Variants in COL11A1 observed in about 807,000 individuals in gnomAD.
COL11A1 encodes collagen type XI alpha 1 chain.
Under a neutral mutation model 265.2 loss-of-function variants are expected in COL11A1, and 74 were observed. The ratio of observed to expected loss-of-function variants is 0.28; its 90% CI spans 0.23 to 0.34. The LOEUF (loss-of-function observed/expected upper bound fraction) is 0.34, where lower values mean the gene tolerates loss of function less well. Among genes scored for constraint, COL11A1 ranks in the 10% least tolerant of loss-of-function variants. The pLI, the probability that COL11A1 is intolerant of heterozygous loss-of-function variation, is 1.00. For synonymous variants in COL11A1, 816 were observed against 727.6 expected (o/e 1.12, Z -1.96); for missense variants, 2,165 against 2,263.6 (o/e 0.96, Z 0.88).
intron 37 of COL11A1, among the ~76,000 whole-genome samples, chr1:102,966,631 T>C (rs957783014): frequency 6.6e-6 from 1 of 152,210 alleles, no homozygotes; most frequent in African/African-American, 2.4e-5. Context: ...TTATTTAGCA[T>C]TTTATAAGCA....
rs752572768 is a variant in COL11A1, at chr1:102,970,211, T to C, written c.2862+8A>G. On this transcript the variant is annotated splice_region_variant and intron_variant, in intron 37 of 66. Coordinates refer to ENST00000370096, the MANE Select transcript of COL11A1 (RefSeq NM_001854.4). ...GAAATTTTTAATAAGAGTAACAAGG[T>C]CACTTACAGTCTCCCCACGTTGCCC... 12 of 1,611,728 alleles carry C rather than the reference T, an allele frequency of 7.4e-6. No individual in the cohort carries two copies. The highest frequency in any genetic ancestry group is 1.0e-5 in the Non-Finnish European group (12 of 1,178,492).
At chr1:102,878,475 C>CACATATATATATATATATATAT (rs1649791157) in intron 66 of COL11A1, among the ~76,000 whole-genome samples, 1 of 49,862 alleles carries the variant, frequency 2.0e-5, no homozygotes, top group African/African-American at 5.5e-5. Context: ...ATTGAATCCT[C>CACATATATATATATATATATAT]ATATATATAT....
At chr1:103,001,758 G>C (rs1665127470) in intron 24 of COL11A1, 167 bp downstream of exon 24, 2 of 652,524 alleles carry the variant, frequency 3.1e-6, no homozygotes, top group African/African-American at 1.8e-5. Flanking sequence ...AAGAACACAT[G>C]AATGAAATCT....
At position 102,913,662 on chromosome 1, in the gene COL11A1, C is replaced by T; in HGVS notation, c.4007G>A (p.Gly1336Asp). Residue 1336 changes from glycine (G) to aspartate (D), a missense_variant, in exon 53 of 67, where the codon GGT becomes GAT. Physicochemically the swap from Gly to Asp is moderately conservative, Grantham distance 94. Transcript: ENST00000370096. ...CGGTTGACCAGGATCTCCATCTTCA[C>T]CCTTGTCACCACCAACACCATCTTG... is the stretch of plus-strand genomic sequence containing the variant. ...AGQDGVGGDK[G>D]EDGDPGQPGP... is the part of the protein sequence containing the mutation. The T allele has an allele frequency of 6.2e-7, 1 of 1,613,494 alleles. No homozygotes were observed. Among genetic ancestry groups the T allele is most frequent in the Non-Finnish European group, 8.5e-7 (1 of 1,179,666 alleles).
intron 38 of COL11A1, among the ~76,000 whole-genome samples, chr1:102,963,713 A>C: frequency 6.6e-6 from 1 of 152,100 alleles, no homozygotes; most frequent in East Asian, 1.9e-4. Flanking sequence ...CTAGGTTTAA[A>C]TTTCTTTAAT....
chr1:103,017,985 A>G lies in COL11A1; in HGVS notation c.1351-103T>C, dbSNP rs192587029. On this transcript the variant is annotated intron_variant, in intron 10 of 66. Transcript: ENST00000370096. Reference sequence around the variant, plus strand: ...AAGAGTTCGTTTATATTTTATAAATATACACTAGAGTTCTAAACAGTTGCC... The same window carrying G: ...AAGAGTTCGTTTATATTTTATAAATGTACACTAGAGTTCTAAACAGTTGCC... 3.0e-6 allele frequency: 3 copies of G among 991,058 alleles called. No individual in the cohort carries two copies. The East Asian group carries it at 7.4e-5, about 24-fold the overall frequency. 61.4% of individuals were successfully genotyped at this position (991,058 alleles called of 1,614,324 possible).
chr1:102,947,451 C>T (rs1203930783), intron 41 of COL11A1, among the ~76,000 whole-genome samples: 13 of 151,944 alleles, frequency 8.6e-5, no homozygotes, highest in African/African-American at 2.9e-4. Context: ...CATTAGGATA[C>T]ACACAAAATT....
chr1:103,006,002 T>G, intron 17 of COL11A1, 66 bp downstream of exon 17: 1 of 1,611,640 alleles, frequency 6.2e-7, no homozygotes, highest in East Asian at 2.2e-5. Context: ...AATGGATTTT[T>G]AAATATAAAA....
At chr1:102,916,797 A>G (rs1655387413) in intron 49 of COL11A1, among the ~76,000 whole-genome samples, 1 of 151,782 alleles carries the variant, frequency 6.6e-6, no homozygotes. Flanking sequence ...AACAGCAAAT[A>G]CTTCCAGAAT....
intron 31 of COL11A1, among the ~76,000 whole-genome samples, chr1:102,982,925 A>G (rs1663176172): frequency 6.6e-6 from 1 of 152,096 alleles, no homozygotes; most frequent in African/African-American, 2.4e-5. Flanking sequence ...TGTTTCTGTT[A>G]TGCCTGAATG....
At chr1:102,982,690 C>G (rs886097925) in intron 31 of COL11A1, among the ~76,000 whole-genome samples, 2 of 152,080 alleles carry the variant, frequency 1.3e-5, no homozygotes, top group African/African-American at 4.8e-5. Context: ...TATTTATCCC[C>G]TGCTACTCAA....
intron 4 of COL11A1, among the ~76,000 whole-genome samples, chr1:103,055,778 T>C (rs983704088): frequency 1.3e-5 from 2 of 152,216 alleles, no homozygotes; most frequent in African/African-American, 4.8e-5. Context: ...ACAATTCTTC[T>C]CTTCCAATGT....
chr1:103,100,856 G>A (rs1674206343), intron 1 of COL11A1, among the ~76,000 whole-genome samples: 1 of 151,868 alleles, frequency 6.6e-6, no homozygotes, highest in Non-Finnish European at 1.5e-5. Flanking sequence ...CTGTTTTTCA[G>A]TTATCTCATG....
intron 4 of COL11A1, among the ~76,000 whole-genome samples, chr1:103,073,885 T>C (rs1671770438): frequency 6.6e-6 from 1 of 152,010 alleles, no homozygotes; most frequent in Non-Finnish European, 1.5e-5. Context: ...TAATTTGTAA[T>C]ATATTACACA....
At chr1:103,098,139 G>A (rs1315242568) in intron 1 of COL11A1, among the ~76,000 whole-genome samples, 1 of 151,840 alleles carries the variant, frequency 6.6e-6, no homozygotes, top group East Asian at 1.9e-4. Flanking sequence ...ATACTGAGAA[G>A]AGCAATATTT....
chr1:103,082,882 T>C lies in COL11A1; in HGVS notation c.197A>G (p.Asn66Ser). The stretch of plus-strand genomic sequence containing the variant: ...GTAAGCAGTATCTGAGCCTTTAGAA[T>C]TCTTTCTGTTTGTGCAAAATCCCGT... ...KTTGFCTNRK[N>S]SKGSDTAYRV... Residue 66 changes from asparagine to serine, a missense_variant, in exon 2 of 67, where the codon AAT (asparagine) becomes AGT (serine). Coordinates refer to ENST00000370096, the MANE Select transcript of COL11A1 (RefSeq NM_001854.4). 2 of 1,613,742 alleles carry C rather than the reference T, an allele frequency of 1.2e-6. No individual in the cohort carries two copies. The highest frequency in any genetic ancestry group is 1.1e-5 in the South Asian group (1 of 91,062).
chr1:102,979,003 C>A (rs1253562374), intron 33 of COL11A1, 57 bp downstream of exon 33: 1 of 1,607,870 alleles, frequency 6.2e-7, no homozygotes, highest in African/African-American at 1.3e-5. Flanking sequence ...AATAAATTAT[C>A]TTGATACACT....
intron 1 of COL11A1, among the ~76,000 whole-genome samples, chr1:103,103,701 T>G (rs1674473694): frequency 6.6e-6 from 1 of 152,012 alleles, no homozygotes; most frequent in African/African-American, 2.4e-5. Context: ...CTCTTTTACT[T>G]CCTTGTAATT....
At chr1:102,988,813 C>A (rs1042863982) in intron 29 of COL11A1, among the ~76,000 whole-genome samples, 3 of 152,096 alleles carry the variant, frequency 2.0e-5, no homozygotes, top group African/African-American at 7.2e-5. Context: ...AGAAAAATGT[C>A]TCTCTTTTGT....
Sources: gnomAD v4.1 joint callset for allele counts (sites outside exome capture counted in the v4.1 genomes callset) on GRCh38, gnomAD v4.1.1 for gene constraint, MANE v1.5 for transcripts, NCBI Gene and HGNC (gene_info 2026-07-23, HGNC 2026-07-21) for gene names.